Variants in NUP93 observed in about 807,000 individuals in gnomAD.
NUP93 encodes the protein nuclear pore complex protein Nup93.
Under a neutral mutation model 107.8 loss-of-function variants are expected in NUP93, and 55 were observed. The ratio of observed to expected loss-of-function variants is 0.51; its 90% CI spans 0.41 to 0.64. The LOEUF is 0.64. NUP93 is among the 30% of genes least tolerant of loss of function. The pLI is 0.00. For missense variants in NUP93, 937 were observed against 1,044.7 expected (o/e 0.90, Z 1.42); for synonymous variants, 390 against 397.5 (o/e 0.98, Z 0.22).
intron 5 of NUP93, among the ~76,000 whole-genome samples, chr16:56,816,278 T>A (rs1445186039): frequency 9.9e-5 from 15 of 152,226 alleles, no homozygotes; most frequent in South Asian, 2.1e-4. Flanking sequence ...TGTAACCCAG[T>A]GGTTTTTTAA....
intron 8 of NUP93, among the ~76,000 whole-genome samples, chr16:56,826,364 T>C (rs1260900796): frequency 2.0e-5 from 3 of 151,970 alleles, no homozygotes; most frequent in African/African-American, 7.2e-5. Context: ...ATACAAAAAT[T>C]AGCTGGGTGT....
In NUP93 at chr16:56,731,469, G is replaced by T. The variant is rs1024286931; in HGVS notation, c.-15+1258G>T. 7.3e-5 allele frequency among the ~76,000 whole-genome samples: 11 copies of T among 149,980 alleles called. No individual in the cohort carries two copies. In the Admixed American group the frequency reaches 7.4e-4, roughly 10 times the overall value. ...GTCTGGAGTGCAGTGGTGCGATCTCGTGTCATCGTGTGACTGCAACCTCTG... is the reference window on the plus strand; with the variant it reads ...GTCTGGAGTGCAGTGGTGCGATCTCTTGTCATCGTGTGACTGCAACCTCTG... On this transcript the variant is annotated intron_variant, in intron 1 of 21. Transcript: ENST00000308159.
At chr16:56,754,754 A>C (rs1961986972) in intron 2 of NUP93, among the ~76,000 whole-genome samples, 11 of 152,128 alleles carry the variant, frequency 7.2e-5, no homozygotes, top group Admixed American at 7.2e-4. Context: ...GCAGTGCCCC[A>C]GTGGGGACTC....
At chr16:56,738,635 A>G (rs1961650444) in intron 1 of NUP93, among the ~76,000 whole-genome samples, 1 of 152,040 alleles carries the variant, frequency 6.6e-6, no homozygotes, top group South Asian at 2.1e-4. Flanking sequence ...TTCCAGAGGC[A>G]TCTGAAACAA....
intron 4 of NUP93, among the ~76,000 whole-genome samples, chr16:56,802,706 C>T (rs1963047673): frequency 6.6e-6 from 1 of 152,302 alleles, no homozygotes; most frequent in Non-Finnish European, 1.5e-5. Flanking sequence ...TTCCCCAAAG[C>T]TCATGCATAT....
intron 2 of NUP93, among the ~76,000 whole-genome samples, chr16:56,756,491 G>A (rs1239971092): frequency 2.0e-5 from 3 of 152,108 alleles, no homozygotes; most frequent in African/African-American, 7.2e-5. Context: ...TTTGATGGCT[G>A]CGTGGTATTC....
intron 6 of NUP93, among the ~76,000 whole-genome samples, chr16:56,821,071 A>C (rs1286191637): frequency 2.0e-5 from 3 of 152,062 alleles, no homozygotes; most frequent in Non-Finnish European, 2.9e-5. Context: ...CTATTCTAAC[A>C]CTTGTGGAGG....
At chr16:56,777,041 C>CGT (rs138542803) in intron 3 of NUP93, among the ~76,000 whole-genome samples, 24 of 151,752 alleles carry the variant, frequency 1.6e-4, no homozygotes, top group Middle Eastern at 3.4e-3. Flanking sequence ...TGTGCACGCA[C>CGT]GTGTGTGTGT....
chr16:56,800,102 G>C (rs562300178), intron 4 of NUP93, among the ~76,000 whole-genome samples: 1 of 152,292 alleles, frequency 6.6e-6, no homozygotes, highest in African/African-American at 2.4e-5. Context: ...AGAACCGCTT[G>C]AACCTAGGAG....
rs1181605040 is a variant in NUP93 at position 56,839,290 on chromosome 16, CAG to C, written c.2136+225_2136+226del. On this transcript the variant is annotated intron_variant, in intron 19 of 21. Coordinates refer to ENST00000308159, the MANE Select transcript of NUP93 (RefSeq NM_014669.5). ...ATTCCTTTCCCCTTTAATCTGAAAA[CAG>C]AGAAGTTTCTCAAAGTAATTTGCAA... 1.5e-4 allele frequency: 25 copies of C among 166,250 alleles called. No homozygotes were observed. In the East Asian group the frequency reaches 2.6e-3, roughly 17 times the overall value. 10.3% of individuals were successfully genotyped at this position (166,250 alleles called of 1,614,324 possible).
chr16:56,762,951 C>T (rs906778563), intron 3 of NUP93, among the ~76,000 whole-genome samples: 1 of 152,094 alleles, frequency 6.6e-6, no homozygotes, highest in Non-Finnish European at 1.5e-5. Context: ...TTAGGACCCA[C>T]CCTAAATCCA....
At chr16:56,791,490 G>A (rs756750903) in intron 3 of NUP93, among the ~76,000 whole-genome samples, 27 of 152,074 alleles carry the variant, frequency 1.8e-4, no homozygotes, top group Non-Finnish European at 3.5e-4. Context: ...TCACTTTTGG[G>A]AACAAATAAG....
chr16:56,834,617 T>A (rs1295743770), intron 15 of NUP93, 117 bp from the exon 16 acceptor site: 1 of 1,137,050 alleles, frequency 8.8e-7, no homozygotes, highest in Non-Finnish European at 1.3e-6. Flanking sequence ...TGATTTTTAG[T>A]TTGCCTAAGA....
At chr16:56,803,313 A>C (rs1162110581) in intron 4 of NUP93, among the ~76,000 whole-genome samples, 2 of 151,962 alleles carry the variant, frequency 1.3e-5, no homozygotes, top group Non-Finnish European at 2.9e-5. Context: ...CTTAACACAA[A>C]AGTTAGCCAG....
intron 3 of NUP93, among the ~76,000 whole-genome samples, chr16:56,784,954 C>T (rs1277191104): frequency 5.3e-5 from 8 of 152,124 alleles, no homozygotes; most frequent in Non-Finnish European, 7.4e-5. Context: ...TTGTTGTAAG[C>T]CCTGGTTAGA....
chr16:56,783,132 A>G lies in NUP93; in HGVS notation c.298-15344A>G, dbSNP rs371784312. 1.3e-4 allele frequency among the ~76,000 whole-genome samples: 20 copies of G among 152,348 alleles called. No homozygotes were observed. In the South Asian group the frequency reaches 2.7e-3, roughly 21 times the overall value. On this transcript the variant is annotated intron_variant, in intron 3 of 21. Transcript: ENST00000308159. ...AGCAGCTTGTTTGTTGTCTTCTCTT[A>G]AAAGCAACAACAAAATATGATGATG...
At chr16:56,821,422 G>A in intron 6 of NUP93, 82 bp from the exon 7 acceptor site, 1 of 934,518 alleles carries the variant, frequency 1.1e-6, no homozygotes, top group East Asian at 2.5e-5. Flanking sequence ...CGAAGCTTCT[G>A]CCGGCCATTG....
intron 3 of NUP93, among the ~76,000 whole-genome samples, chr16:56,761,286 C>G (rs1567379094): frequency 6.6e-6 from 1 of 152,168 alleles, no homozygotes; most frequent in Non-Finnish European, 1.5e-5. Context: ...ATACACGTAT[C>G]CTTCCCTGAC....
intron 21 of NUP93, 30 bp from the exon 22 acceptor site, chr16:56,844,469 T>TTTCCTTCCC (rs1199810875): frequency 1.5e-6 from 2 of 1,334,114 alleles, no homozygotes; most frequent in Non-Finnish European, 2.0e-6. Context: ...AGTTAACCGA[T>TTTCCTTCCC]TTCCTTCCCT....
Sources: gnomAD v4.1 joint callset for allele counts (sites outside exome capture counted in the v4.1 genomes callset) on GRCh38, gnomAD v4.1.1 for gene constraint, MANE v1.5 for transcripts, NCBI Gene and HGNC (gene_info 2026-07-23, HGNC 2026-07-21) for gene names.